The following MEIS2 variants were observed in gnomAD, a reference collection of about 807,000 sequenced individuals.
The protein encoded by MEIS2 is homeobox protein Meis2.
A neutral mutation model predicts 58.6 loss-of-function variants in MEIS2; 9 were observed. That is an observed-to-expected ratio of 0.15 (90% CI 0.09 to 0.27). The LOEUF (loss-of-function observed/expected upper bound fraction) is 0.27, where lower values mean the gene tolerates loss of function less well. MEIS2 is among the 10% of genes least tolerant of loss of function. The pLI, the probability that MEIS2 is intolerant of heterozygous loss-of-function variation, is 1.00. For synonymous variants in MEIS2, 221 were observed against 228.4 expected (o/e 0.97, Z 0.29); for missense variants, 427 against 635.0 (o/e 0.67, Z 3.52).
At chr15:36,925,096 C>T (rs888838123) in intron 9 of MEIS2, among the ~76,000 whole-genome samples, 1 of 151,796 alleles carries the variant, frequency 6.6e-6, no homozygotes, top group African/African-American at 2.4e-5. Flanking sequence ...AGGCTGTCTC[C>T]CAAGTTCTTT....
intron 7 of MEIS2, among the ~76,000 whole-genome samples, chr15:37,045,977 A>G (rs1218072225): frequency 6.6e-6 from 1 of 152,200 alleles, no homozygotes; most frequent in East Asian, 1.9e-4. Context: ...CCCCCGGGGT[A>G]TGAGCAGAAA....
chr15:37,025,458 C>T (rs1334714809), intron 8 of MEIS2, among the ~76,000 whole-genome samples: 3 of 152,166 alleles, frequency 2.0e-5, no homozygotes, highest in East Asian at 3.9e-4. Context: ...TTTCTTTCAC[C>T]GTGCCCTGAA....
At chr15:37,034,703 G>A (rs73393571) in intron 8 of MEIS2, among the ~76,000 whole-genome samples, 109 of 152,240 alleles carry the variant, frequency 7.2e-4, no homozygotes, top group African/African-American at 2.5e-3. Context: ...TGGGTAACAC[G>A]GAGCTTTCAA....
chr15:37,085,764 G>C (rs1596106076), intron 6 of MEIS2, among the ~76,000 whole-genome samples: 1 of 152,228 alleles, frequency 6.6e-6, no homozygotes, highest in East Asian at 1.9e-4. Context: ...AAGGTTTTCT[G>C]CTGCCTGTAG....
intron 8 of MEIS2, among the ~76,000 whole-genome samples, chr15:37,019,729 T>C (rs2061462142): frequency 6.6e-6 from 1 of 152,186 alleles, no homozygotes; most frequent in African/African-American, 2.4e-5. Flanking sequence ...CAGCAGGCCC[T>C]GGTCTTAGGT....
At chr15:37,054,044 T>G (rs1241268448) in intron 7 of MEIS2, among the ~76,000 whole-genome samples, 3 of 152,258 alleles carry the variant, frequency 2.0e-5, no homozygotes, top group African/African-American at 7.2e-5. Flanking sequence ...GCCTTGCCTG[T>G]AGCACTTTCC....
intron 8 of MEIS2, among the ~76,000 whole-genome samples, chr15:37,034,446 G>A (rs1595975064): frequency 1.3e-5 from 2 of 152,294 alleles, no homozygotes; most frequent in East Asian, 3.9e-4. Flanking sequence ...TCTGCACAAA[G>A]CCTTGCATAC....
chr15:37,009,697 C>T (rs1435594273), intron 8 of MEIS2, among the ~76,000 whole-genome samples: 5 of 152,156 alleles, frequency 3.3e-5, no homozygotes, highest in African/African-American at 4.8e-5. Context: ...CTCTCTGATA[C>T]TTCACAAAAT....
At chr15:36,895,426 G>A in intron 10 of MEIS2, 165 bp from the exon 11 acceptor site, 1 of 600,372 alleles carries the variant, frequency 1.7e-6, no homozygotes, top group Admixed American at 3.1e-5. Flanking sequence ...GAGTGAAGGT[G>A]TGTGAGTAGC....
intron 9 of MEIS2, among the ~76,000 whole-genome samples, chr15:36,916,871 A>G (rs2141283651): frequency 6.6e-6 from 1 of 152,314 alleles, no homozygotes; most frequent in African/African-American, 2.4e-5. Flanking sequence ...CAAAAACCCT[A>G]TGGAGTGGAT....
At chr15:36,922,530 A>C (rs936497618) in intron 9 of MEIS2, among the ~76,000 whole-genome samples, 1 of 152,036 alleles carries the variant, frequency 6.6e-6, no homozygotes, top group Non-Finnish European at 1.5e-5. Flanking sequence ...AAACCAACAA[A>C]AAGTCCTTGA....
At chr15:36,946,085 A>T (rs2141375800) in intron 9 of MEIS2, among the ~76,000 whole-genome samples, 1 of 152,044 alleles carries the variant, frequency 6.6e-6, no homozygotes, top group Admixed American at 6.6e-5. Context: ...GCACTGAGAA[A>T]AGTTACATGA....
intron 11 of MEIS2, chr15:36,894,463 G>A (rs374830350): frequency 3.7e-6 from 1 of 267,848 alleles, no homozygotes; most frequent in Non-Finnish European, 7.1e-6. Context: ...TGCACATTGG[G>A]GCCACAGTAA....
intron 8 of MEIS2, among the ~76,000 whole-genome samples, chr15:37,030,640 A>ATAT (rs60061235): frequency 0.33 from 49,441 of 148,556 alleles, 9,767 homozygotes; most frequent in Admixed American, 0.48. Context: ...CCCAGCCTGG[A>ATAT]TATTATTATT....
At chr15:36,897,518 T>C (rs2056242699) in intron 9 of MEIS2, 1 of 152,266 alleles carries the variant, frequency 6.6e-6, no homozygotes, top group South Asian at 2.1e-4. Context: ...GCCTACTTCA[T>C]GTTACTTTAA....
intron 9 of MEIS2, among the ~76,000 whole-genome samples, chr15:36,948,511 T>A (rs1450518542): frequency 6.6e-6 from 1 of 152,002 alleles, no homozygotes; most frequent in Non-Finnish European, 1.5e-5. Context: ...CAATGCCAAA[T>A]ATCCATGCGG....
chr15:36,956,112 C>T (rs1196067368), intron 8 of MEIS2, among the ~76,000 whole-genome samples: 2 of 136,732 alleles, frequency 1.5e-5, no homozygotes, highest in African/African-American at 2.8e-5. Flanking sequence ...AGGAGAATGG[C>T]GTGAACCCGG....
intron 9 of MEIS2, among the ~76,000 whole-genome samples, chr15:36,910,476 G>T (rs1421856690): frequency 6.6e-6 from 1 of 152,132 alleles, no homozygotes; most frequent in Admixed American, 6.5e-5. Flanking sequence ...CCTGACTCTA[G>T]TTGTTCAGAT....
intron 7 of MEIS2, among the ~76,000 whole-genome samples, chr15:37,074,107 G>C (rs1233081804): frequency 4.6e-5 from 7 of 151,976 alleles, no homozygotes; most frequent in African/African-American, 1.7e-4. Context: ...CACTTGTGAA[G>C]TATAGAAAAT....
Sources: gnomAD v4.1 joint callset for allele counts (sites outside exome capture counted in the v4.1 genomes callset) on GRCh38, gnomAD v4.1.1 for gene constraint, MANE v1.5 for transcripts, NCBI Gene and HGNC (gene_info 2026-07-23, HGNC 2026-07-21) for gene names.